MTBP: variants seen among roughly 807,000 people sequenced by gnomAD.
MTBP encodes the protein MDM2 binding protein.
Under a neutral mutation model 117.0 loss-of-function variants are expected in MTBP, and 101 were observed. The ratio of observed to expected loss-of-function variants is 0.86; its 90% CI spans 0.73 to 1.02. MTBP has a LOEUF of 1.02. MTBP is among the 50% of genes least tolerant of loss of function. The pLI is 0.00. For missense variants in MTBP, 970 were observed against 1,030.9 expected (o/e 0.94, Z 0.81); for synonymous variants, 350 against 351.5 (o/e 1.00, Z 0.05).
Position 120,506,689 on chromosome 8 carries a change from T to C in MTBP, c.1728-17T>C. 6.4e-7 allele frequency: 1 copy of C among 1,565,634 alleles called. No homozygotes were observed. The highest frequency in any genetic ancestry group is 8.6e-7 in the Non-Finnish European group (1 of 1,160,596). ...TGAATCCACTTTTAATAAATCTGCA[T>C]AACATTATTTTCCCAGAACTGGTTC... On this transcript the variant is annotated splice_polypyrimidine_tract_variant and intron_variant, in intron 15 of 21. Transcript: ENST00000305949.
At chr8:120,480,561 C>G (rs1180395540) in intron 11 of MTBP, among the ~76,000 whole-genome samples, 1 of 152,130 alleles carries the variant, frequency 6.6e-6, no homozygotes. Context: ...CCACAGTTAT[C>G]AAGACATTGT....
intron 15 of MTBP, among the ~76,000 whole-genome samples, chr8:120,505,002 A>G (rs1398798745): frequency 6.6e-6 from 1 of 151,932 alleles, no homozygotes; most frequent in Non-Finnish European, 1.5e-5. Context: ...AATTTTCTTT[A>G]AATTTGTTTT....
chr8:120,463,881 T>C (rs749174925), intron 10 of MTBP, 120 bp downstream of exon 10: 193 of 912,370 alleles, frequency 2.1e-4, no homozygotes, highest in Middle Eastern at 4.6e-4. Flanking sequence ...GTTTCTTTAA[T>C]GTAATATAGG....
intron 10 of MTBP, among the ~76,000 whole-genome samples, chr8:120,467,444 G>A (rs1295262581): frequency 2.6e-5 from 4 of 152,048 alleles, no homozygotes; most frequent in Non-Finnish European, 4.4e-5. Flanking sequence ...GTGAAACCCC[G>A]CCTCTACTAA....
At chr8:120,507,389 C>T (rs1333858346) in intron 16 of MTBP, among the ~76,000 whole-genome samples, 1 of 152,122 alleles carries the variant, frequency 6.6e-6, no homozygotes, top group Admixed American at 6.5e-5. Flanking sequence ...ACTTCCAAGA[C>T]AGTTTTCACT....
intron 9 of MTBP, 40 bp downstream of exon 9, chr8:120,461,295 CT>C: frequency 7.3e-7 from 1 of 1,370,102 alleles, no homozygotes; most frequent in Non-Finnish European, 1.0e-6. Flanking sequence ...ATTACATTTT[CT>C]GTGTCAGGTA....
intron 10 of MTBP, among the ~76,000 whole-genome samples, chr8:120,469,589 T>C (rs78460901): frequency 0.079 from 11,967 of 152,280 alleles, 615 homozygotes; most frequent in East Asian, 0.2. Flanking sequence ...GCCAAATGCG[T>C]TGATGTTGCA....
intron 7 of MTBP, among the ~76,000 whole-genome samples, chr8:120,457,318 G>A (rs1382552831): frequency 6.6e-6 from 1 of 152,174 alleles, no homozygotes; most frequent in African/African-American, 2.4e-5. Flanking sequence ...TTTGAAATAA[G>A]TGTTCATAGT....
chr8:120,490,506 G>A lies in MTBP; in HGVS notation c.1383G>A (p.Glu461=). 6.2e-7 allele frequency: 1 copy of A among 1,608,042 alleles called. No individual in the cohort carries two copies. The highest frequency in any genetic ancestry group is 2.2e-5 in the East Asian group (1 of 44,568). Residue 461 remains glutamate (E), a synonymous_variant, in exon 13 of 22, where the codon GAG becomes GAA. Transcript: ENST00000305949. ...TATCACTTCCACATTTTTCTGGGGAGCAGATTGTACAGAGAGAGAAACAGT... is the reference window on the plus strand; with the variant it reads ...TATCACTTCCACATTTTTCTGGGGAACAGATTGTACAGAGAGAGAAACAGT... ...DLLSLPHFSG[E]QIVQREKQLA...
chr8:120,518,624 C>A, intron 19 of MTBP, 80 bp from the exon 20 acceptor site: 1 of 863,528 alleles, frequency 1.2e-6, no homozygotes, highest in Non-Finnish European at 1.8e-6. Context: ...GTGTAATTCA[C>A]AGGATTGAAC....
intron 10 of MTBP, 98 bp downstream of exon 10, chr8:120,463,859 C>T: frequency 8.9e-7 from 1 of 1,124,512 alleles, no homozygotes. Context: ...AATCTGTTTG[C>T]TTGATGACTT....
At chr8:120,477,892 C>T (rs1046914097) in intron 11 of MTBP, among the ~76,000 whole-genome samples, 1 of 152,160 alleles carries the variant, frequency 6.6e-6, no homozygotes, top group Non-Finnish European at 1.5e-5. Flanking sequence ...ACCCAGCCAT[C>T]CCATTACTGG....
chr8:120,448,862 T>C (rs745883073), intron 2 of MTBP, among the ~76,000 whole-genome samples: 10 of 152,124 alleles, frequency 6.6e-5, no homozygotes, highest in Non-Finnish European at 1.2e-4. Context: ...TATGGCAAGT[T>C]TGAGGGACGG....
At chr8:120,506,618 C>T in intron 15 of MTBP, 88 bp from the exon 16 acceptor site, 1 of 1,064,900 alleles carries the variant, frequency 9.4e-7, no homozygotes, top group Non-Finnish European at 1.3e-6. Context: ...ATCTTCTTTT[C>T]CCGACTGTGC....
intron 10 of MTBP, among the ~76,000 whole-genome samples, chr8:120,465,633 AT>A (rs1445279470): frequency 6.9e-6 from 1 of 145,870 alleles, no homozygotes; most frequent in Non-Finnish European, 1.5e-5. Flanking sequence ...TTACAGAGAA[AT>A]TTGTAGAAAT....
intron 2 of MTBP, among the ~76,000 whole-genome samples, chr8:120,447,090 T>C (rs1439662645): frequency 6.6e-6 from 1 of 152,206 alleles, no homozygotes; most frequent in Non-Finnish European, 1.5e-5. Flanking sequence ...AGTTATCTTT[T>C]CTTTTATTCC....
intron 18 of MTBP, among the ~76,000 whole-genome samples, chr8:120,517,151 T>G (rs537081100): frequency 8.5e-4 from 129 of 152,036 alleles, no homozygotes; most frequent in African/African-American, 2.9e-3. Context: ...AGGGAAAAAT[T>G]TGGGCCTTGT....
chr8:120,520,148 T>C (rs1372372178), intron 20 of MTBP, among the ~76,000 whole-genome samples: 1 of 151,868 alleles, frequency 6.6e-6, no homozygotes, highest in Admixed American at 6.6e-5. Flanking sequence ...TGCCAAAACA[T>C]ATAGGAATAA....
At chr8:120,503,494 G>A (rs1327430320) in intron 15 of MTBP, among the ~76,000 whole-genome samples, 2 of 152,188 alleles carry the variant, frequency 1.3e-5, no homozygotes, top group Non-Finnish European at 2.9e-5. Flanking sequence ...TGGATGGTCA[G>A]GGAGACCTCT....
Sources: allele counts gnomAD v4.1 joint callset (sites outside exome capture counted in the v4.1 genomes callset), GRCh38; gene constraint gnomAD v4.1.1; transcripts MANE v1.5; gene names NCBI Gene and HGNC (gene_info 2026-07-23, HGNC 2026-07-21).